PCDHA2: variants seen among roughly 807,000 people sequenced by gnomAD.
PCDHA2 encodes the protein protocadherin alpha-2.
PCDHA2 carries 58 observed loss-of-function variants against 66.0 expected under a neutral mutation model. The ratio of observed to expected loss-of-function variants is 0.88; its 90% CI spans 0.71 to 1.09. PCDHA2 has a LOEUF of 1.09. Ranked by LOEUF, PCDHA2 falls within the 50% of genes least tolerant of loss-of-function variation. The pLI, the probability that PCDHA2 is intolerant of heterozygous loss-of-function variation, is 0.00. For synonymous variants in PCDHA2, 634 were observed against 554.0 expected, an observed-to-expected ratio of 1.14 and a Z score of -2.03; for missense variants, 1,267 against 1,242.3, an observed-to-expected ratio of 1.02 and a Z score of -0.30.
intron 1 of PCDHA2, chr5:140,852,582 ATTT>A: frequency 7.2e-6 from 5 of 693,510 alleles, no homozygotes; most frequent in Non-Finnish European, 8.9e-6. Context: ...AGGCTTTTTT[ATTT>A]TTTTTTTTTG....
At chr5:140,856,935 A>T in intron 1 of PCDHA2, 1 of 1,594,236 alleles carries the variant, frequency 6.3e-7, no homozygotes, top group Non-Finnish European at 8.6e-7. Context: ...TGGATAAACG[A>T]AAGGACGGGA....
At chr5:140,798,659 G>T (rs1554120715) in intron 1 of PCDHA2, among the ~76,000 whole-genome samples, 1 of 152,194 alleles carries the variant, frequency 6.6e-6, no homozygotes, top group African/African-American at 2.4e-5. Flanking sequence ...TTACCTGGAA[G>T]CATCCATATT....
intron 1 of PCDHA2, among the ~76,000 whole-genome samples, chr5:140,971,061 G>A (rs2096454888): frequency 6.6e-6 from 1 of 152,154 alleles, no homozygotes; most frequent in Non-Finnish European, 1.5e-5. Context: ...TTTAAATAAG[G>A]TTGCTGTAGA....
intron 1 of PCDHA2, chr5:140,856,606 CA>C: frequency 6.3e-7 from 1 of 1,597,764 alleles, no homozygotes; most frequent in Non-Finnish European, 8.6e-7. Flanking sequence ...ACAAAAAAGA[CA>C]AAGACAAATT....
chr5:140,865,215 T>C (rs2048774441), intron 1 of PCDHA2: 1 of 152,214 alleles, frequency 6.6e-6, no homozygotes, highest in Admixed American at 6.5e-5. Flanking sequence ...TTGCTTTCTT[T>C]AAAGGGATCC....
intron 1 of PCDHA2, among the ~76,000 whole-genome samples, chr5:140,937,417 A>T (rs1226073587): frequency 5.3e-5 from 8 of 152,154 alleles, no homozygotes; most frequent in African/African-American, 1.9e-4. Context: ...CTTTTATTAG[A>T]TAGCTGATAT....
In PCDHA2 at chr5:140,843,823, A is replaced by G; in HGVS notation, c.2388+46471A>G. ...CACCGTATTTTATAGTGAAAATTTAAACATTGTTTAGTTTTTAGAAACCTT... is the reference window on the plus strand; with the variant it reads ...CACCGTATTTTATAGTGAAAATTTAGACATTGTTTAGTTTTTAGAAACCTT... On this transcript the variant is annotated intron_variant, in intron 1 of 3. Transcript: ENST00000526136. 4 of 1,201,188 alleles carry G rather than the reference A, an allele frequency of 3.3e-6. 1 individual carries two copies. The highest frequency in any genetic ancestry group is 4.7e-6 in the Non-Finnish European group (4 of 852,276). 74.4% of individuals were successfully genotyped at this position (1,201,188 alleles called of 1,614,324 possible). A position where few individuals can be genotyped will look rare whatever the true frequency, so the allele number is the denominator to read the frequency against.
At chr5:140,817,937 C>A (rs2150099666) in intron 1 of PCDHA2, among the ~76,000 whole-genome samples, 9 of 152,198 alleles carry the variant, frequency 5.9e-5, no homozygotes, top group African/African-American at 2.2e-4. Flanking sequence ...TGATGGCTGT[C>A]AAGTTTATTG....
At chr5:140,863,709 C>G (rs537647529) in intron 1 of PCDHA2, 1 of 285,634 alleles carries the variant, frequency 3.5e-6, no homozygotes, top group East Asian at 9.1e-5. Context: ...TTAAAGTACA[C>G]TGGGGCCGGG....
At chr5:140,808,416 A>G (rs1209126629) in intron 1 of PCDHA2, 2 of 1,614,036 alleles carry the variant, frequency 1.2e-6, no homozygotes, top group Non-Finnish European at 1.7e-6. Context: ...TTGGTGCTGG[A>G]CAGTGCCCTG....
intron 1 of PCDHA2, chr5:140,928,585 G>C: frequency 2.5e-6 from 4 of 1,614,194 alleles, no homozygotes; most frequent in Non-Finnish European, 3.4e-6. Flanking sequence ...AAATGGTTCT[G>C]TCCCAGTGGA....
At chr5:140,817,018 A>G (rs1173014868) in intron 1 of PCDHA2, 7 of 152,034 alleles carry the variant, frequency 4.6e-5, no homozygotes, top group Non-Finnish European at 7.4e-5. Flanking sequence ...TCTTTCCCTC[A>G]TGAGAGAGAG....
Position 140,962,028 on chromosome 5 carries a change from C to A in PCDHA2, c.2389-16921C>A, listed in dbSNP as rs1046578713. Among the ~76,000 whole-genome samples the A allele has an allele frequency of 5.9e-5, 9 of 152,036 alleles. No individual in the cohort carries two copies. In the South Asian group the frequency reaches 1.7e-3, roughly 28 times the overall value. The stretch of plus-strand genomic sequence containing the variant: ...CTTCCCGAGTAGCTGGGACTACAGG[C>A]ACCCACCACCATGCCTGGCTAATTT... On this transcript the variant is annotated intron_variant, in intron 1 of 3. Transcript: ENST00000526136.
intron 1 of PCDHA2, chr5:140,867,034 G>C (rs1398561687): frequency 6.6e-6 from 1 of 152,106 alleles, no homozygotes; most frequent in Non-Finnish European, 1.5e-5. Context: ...ACTCTTTTAT[G>C]ACTTGGCGTT....
At chr5:140,955,458 T>C (rs246018) in intron 1 of PCDHA2, among the ~76,000 whole-genome samples, 85,567 of 151,850 alleles carry the variant, frequency 0.56, 24,724 homozygotes, top group African/African-American at 0.69. Flanking sequence ...AAGGGCTTTT[T>C]CCTTTTTGCT....
At chr5:140,830,856 TG>T (rs1370462098) in intron 1 of PCDHA2, 4 of 153,858 alleles carry the variant, frequency 2.6e-5, no homozygotes, top group African/African-American at 9.6e-5. Flanking sequence ...TACTCTTTTT[TG>T]ATCATATATT....
At chr5:140,968,661 T>C (rs1554230945) in intron 1 of PCDHA2, 1 of 1,614,182 alleles carries the variant, frequency 6.2e-7, no homozygotes, top group East Asian at 2.2e-5. Flanking sequence ...GACCTGGACC[T>C]CTTTAAGGTA....
intron 1 of PCDHA2, among the ~76,000 whole-genome samples, chr5:140,940,808 T>C (rs781904662): frequency 3.3e-5 from 5 of 152,232 alleles, no homozygotes; most frequent in Non-Finnish European, 7.3e-5. Context: ...TGCCAGGATA[T>C]CCTGAGATCT....
At chr5:140,909,983 C>T (rs2074810620) in intron 1 of PCDHA2, among the ~76,000 whole-genome samples, 1 of 152,214 alleles carries the variant, frequency 6.6e-6, no homozygotes, top group Non-Finnish European at 1.5e-5. Context: ...GGGAGAAAGA[C>T]TAACAGCATA....
Sources: gnomAD v4.1 joint callset for allele counts (sites outside exome capture counted in the v4.1 genomes callset) on GRCh38, gnomAD v4.1.1 for gene constraint, MANE v1.5 for transcripts, NCBI Gene and HGNC (gene_info 2026-07-23, HGNC 2026-07-21) for gene names.